Variants in MYH14 observed in about 807,000 individuals in gnomAD.
MYH14 encodes the protein myosin heavy chain 14.
In MYH14, 123 loss-of-function variants were observed where a neutral mutation model predicts 255.5. The observed-to-expected ratio is 0.48, with a 90% CI of 0.42 to 0.56. The LOEUF (loss-of-function observed/expected upper bound fraction) is 0.56. MYH14 is among the 20% of genes least tolerant of loss of function. MYH14 has a pLI of 0.00. For missense variants in MYH14, 2,423 were observed against 2,802.3 expected (o/e 0.86, Z 3.06); for synonymous variants, 1,095 against 1,161.2 (o/e 0.94, Z 1.16).
At position 50,252,642 on chromosome 19, in the gene MYH14, G is replaced by A. The variant is rs571071269; in HGVS notation, c.1834G>A (p.Asp612Asn). ...FSVLHYAGKV[D>N]YKANEWLMKN... is the part of the protein sequence containing the mutation. Reference sequence around the variant, plus strand: ...TCCTCTACCTGACTTCATTCAGGTCGACTACAAGGCCAACGAGTGGCTGAT... The same window carrying A: ...TCCTCTACCTGACTTCATTCAGGTCAACTACAAGGCCAACGAGTGGCTGAT... Residue 612 changes from aspartate (D) to asparagine (N), a missense_variant, in exon 16 of 43, where the codon GAC (aspartate) becomes AAC (asparagine). By Grantham distance (23) the Asp-to-Asn change is conservative. Coordinates refer to ENST00000642316, the MANE Select transcript of MYH14 (RefSeq NM_001145809.2). This position sits in a 1 kb window ranked among gnomAD's most constrained non-coding sequence, Gnocchi z 4.2. 34 of 1,584,852 alleles carry A rather than the reference G, an allele frequency of 2.1e-5. No individual in the cohort carries two copies. The highest frequency in any genetic ancestry group is 1.2e-4 in the East Asian group (5 of 43,294).
intron 39 of MYH14, among the ~76,000 whole-genome samples, chr19:50,298,377 AAC>A (rs1453235091): frequency 7.9e-6 from 1 of 126,944 alleles, no homozygotes; most frequent in Admixed American, 9.4e-5. Context: ...GACAAAACCC[AAC>A]ACACACACAA....
chr19:50,266,747 T>C lies in MYH14; in HGVS notation c.2695-130T>C, dbSNP rs1349450457. On this transcript the variant is annotated intron_variant, in intron 22 of 42. Transcript: ENST00000642316. The surrounding 1 kb of genome is among the most constrained non-coding windows in gnomAD (Gnocchi z 4.1). ...GTTCTAGGCCTGTGACCAGGGACTG[T>C]TGCCAAGGCGGGGACACACAGCTAA... The C allele has an allele frequency of 8.2e-7, 1 of 1,215,358 alleles. No individual in the cohort carries two copies. The highest frequency in any genetic ancestry group is 1.2e-6 in the Non-Finnish European group (1 of 860,702). The allele number at this position is 1,215,358 out of a possible 1,614,324, so 75.3% of individuals were successfully genotyped here. A position where few individuals can be genotyped will look rare whatever the true frequency, so the allele number is the denominator to read the frequency against.
chr19:50,233,668 A>G (rs2033517164), intron 10 of MYH14, among the ~76,000 whole-genome samples: 1 of 152,044 alleles, frequency 6.6e-6, no homozygotes, highest in Non-Finnish European at 1.5e-5. Flanking sequence ...AATCGGCTGC[A>G]GGTCTCTCCC....
At chr19:50,227,772 G>A (rs779137656) in intron 8 of MYH14, among the ~76,000 whole-genome samples, 27 of 152,254 alleles carry the variant, frequency 1.8e-4, no homozygotes, top group Non-Finnish European at 2.6e-4. Context: ...CCAAGAAATC[G>A]TACCAACCTG....
intron 17 of MYH14, 61 bp from the exon 18 acceptor site, chr19:50,257,238 C>T (rs565183498): frequency 5.6e-6 from 8 of 1,423,688 alleles, no homozygotes; most frequent in East Asian, 2.4e-5. Flanking sequence ...TGACCTTTGG[C>T]CCAGGTCCCT....
chr19:50,264,087 T>TAA (rs34326325), intron 22 of MYH14, among the ~76,000 whole-genome samples: 1 of 108,716 alleles, frequency 9.2e-6, no homozygotes, highest in Non-Finnish European at 1.9e-5. Flanking sequence ...GAGCAAAGGT[T>TAA]AAAAAAAAAA....
Position 50,249,018 on chromosome 19 carries a change from C to T in MYH14, c.1361C>T (p.Ala454Val). The T allele has an allele frequency of 6.2e-7, 1 of 1,613,670 alleles. No individual in the cohort carries two copies. The highest frequency in any genetic ancestry group is 8.5e-7 in the Non-Finnish European group (1 of 1,179,806). The change falls in exon 13 of 43, where the codon GCC (alanine) becomes GTC (valine). Residue 454 changes from alanine (A) to valine (V), a missense_variant. Around this residue, in one of 3 missense-constraint regions of MYH14, gnomAD observed 672 missense variants for 881.8 expected, o/e 0.76. Transcript: ENST00000642316. The stretch of plus-strand genomic sequence containing the variant: ...TTCGCGCTGGAGGCCCTGGCCAAGG[C>T]CACCTACGAGCGCCTCTTCCGCTGG... ...ADFALEALAK[A>V]TYERLFRWLV... is the part of the protein sequence containing the mutation.
intron 5 of MYH14, 54 bp downstream of exon 5, chr19:50,223,403 C>T (rs1177730651): frequency 1.6e-6 from 2 of 1,212,508 alleles, no homozygotes; most frequent in East Asian, 5.1e-5. Context: ...ACTGCCCCTT[C>T]CATCTTGGGC....
At chr19:50,222,640 G>A (rs1054121311) in intron 3 of MYH14, among the ~76,000 whole-genome samples, 1 of 152,052 alleles carries the variant, frequency 6.6e-6, no homozygotes, top group African/African-American at 2.4e-5. Flanking sequence ...TCCCCTCCAT[G>A]CCTGGCGCTC....
chr19:50,282,420 A>G (rs1213375499), intron 33 of MYH14, among the ~76,000 whole-genome samples: 1 of 152,200 alleles, frequency 6.6e-6, no homozygotes, highest in Non-Finnish European at 1.5e-5. Context: ...TGCAGTGTGA[A>G]GCTGGGCACT....
At position 50,280,392 on chromosome 19, in the gene MYH14, C is replaced by T; in HGVS notation, c.4290+9C>T. The T allele has an allele frequency of 6.6e-7, 1 of 1,524,308 alleles. No homozygotes were observed. The highest frequency in any genetic ancestry group is 8.8e-7 in the Non-Finnish European group (1 of 1,130,712). The allele number at this position is 1,524,308 out of a possible 1,614,324, so 94.4% of individuals were successfully genotyped here. A position where few individuals can be genotyped will look rare whatever the true frequency, so the allele number is the denominator to read the frequency against. ...AGACTGCCCAGGCCCAGGTGAGCAG[C>T]CCTACGTAAGACCTTCAGGGAGGCA... On this transcript the variant is annotated intron_variant, in intron 32 of 42. Transcript: ENST00000642316. The surrounding 1 kb of genome is among the most constrained non-coding windows in gnomAD (Gnocchi z 4.8).
intron 13 of MYH14, 99 bp downstream of exon 13, chr19:50,249,238 C>T (rs2034258145): frequency 7.3e-7 from 1 of 1,360,676 alleles, no homozygotes; most frequent in Non-Finnish European, 9.9e-7. Context: ...GTCTCTGTCC[C>T]CCTCTCTCTC....
At chr19:50,281,913 A>T in intron 33 of MYH14, 71 bp downstream of exon 33, 1 of 1,526,508 alleles carries the variant, frequency 6.6e-7, no homozygotes, top group Non-Finnish European at 8.9e-7. Flanking sequence ...CGTTGTGAGG[A>T]ACCAGTAATC....
chr19:50,268,054 C>G, intron 23 of MYH14, 107 bp from the exon 24 acceptor site: 1 of 1,412,992 alleles, frequency 7.1e-7, no homozygotes, highest in Admixed American at 2.2e-5. Context: ...CTCAGTCCTG[C>G]CCTGGAGAAC....
chr19:50,260,788 T>TGCATGCATATGTGTGC (rs1568510684), intron 20 of MYH14, 73 bp downstream of exon 20: 133 of 1,151,864 alleles, frequency 1.2e-4, no homozygotes, highest in Admixed American at 2.3e-4. Context: ...TGCATGTGTG[T>TGCATGCATATGTGTGC]GTGCATGCAT....
At chr19:50,268,085 C>T (rs2035155287) in intron 23 of MYH14, 76 bp from the exon 24 acceptor site, 4 of 1,492,930 alleles carry the variant, frequency 2.7e-6, no homozygotes, top group Non-Finnish European at 2.7e-6. Context: ...AAGCAAGTTA[C>T]AAGGCAGTAG....
chr19:50,207,316 T>TGAGAGAGAGAGA (rs2031860995), intron 1 of MYH14, among the ~76,000 whole-genome samples: 1 of 38,150 alleles, frequency 2.6e-5, no homozygotes. Flanking sequence ...AGAGAGAGAC[T>TGAGAGAGAGAGA]AGGGGCAGAC....
At position 50,266,705 on chromosome 19, in the gene MYH14, T is replaced by C. The variant is rs2123371612; in HGVS notation, c.2695-172T>C. Among the ~76,000 whole-genome samples the C allele has an allele frequency of 1.3e-5, 2 of 152,334 alleles. No individual in the cohort carries two copies. The highest frequency in any genetic ancestry group is 3.9e-4 in the East Asian group (2 of 5,186). On this transcript the variant is annotated intron_variant, in intron 22 of 42. Coordinates refer to ENST00000642316, the MANE Select transcript of MYH14 (RefSeq NM_001145809.2). This position sits in a 1 kb window ranked among gnomAD's most constrained non-coding sequence, Gnocchi z 4.1. ...GATCAATAGTGTATTTAGTGGTGCT[T>C]GCCTGTACCTGTCAGTGTTCTAGGC...
At chr19:50,283,490 A>AT (rs1249723849) in intron 33 of MYH14, among the ~76,000 whole-genome samples, 3 of 152,158 alleles carry the variant, frequency 2.0e-5, no homozygotes, top group African/African-American at 7.2e-5. Context: ...TCAATAATGT[A>AT]TTTTTGCTGC....
Sources: allele counts gnomAD v4.1 joint callset (sites outside exome capture counted in the v4.1 genomes callset), GRCh38; gene constraint gnomAD v4.1.1; regional missense constraint gnomAD v4.1.1; non-coding constraint Gnocchi (gnomAD v3.1); transcripts MANE v1.5; gene names NCBI Gene and HGNC (gene_info 2026-07-23, HGNC 2026-07-21).